IL1RAPL2: variants seen among roughly 807,000 people sequenced by gnomAD.
IL1RAPL2 encodes the protein X-linked interleukin-1 receptor accessory protein-like 2.
Under a neutral mutation model 44.1 loss-of-function variants are expected in IL1RAPL2, and 3 were observed. The ratio of observed to expected loss-of-function variants is 0.07; its 90% CI spans 0.03 to 0.18. The LOEUF is 0.18. Among genes scored for constraint, IL1RAPL2 ranks in the 10% least tolerant of loss-of-function variants. The probability of loss-of-function intolerance (pLI) is 1.00; values close to 1 mark genes in which losing one functional copy is unlikely to be tolerated. For synonymous variants in IL1RAPL2, 181 were observed against 178.8 expected, an observed-to-expected ratio of 1.01 and a Z score of -0.10; for missense variants, 391 against 496.4, an observed-to-expected ratio of 0.79 and a Z score of 2.02.
intron 5 of IL1RAPL2, among the ~76,000 whole-genome samples, chrX:105,422,828 G>A (rs1284543251): frequency 9.0e-6 from 1 of 110,511 alleles, no homozygotes; most frequent in Non-Finnish European, 1.9e-5. Flanking sequence ...CTTCTGTTCT[G>A]ATGTTACAAT....
At chrX:105,017,862 A>G (rs992979209) in intron 2 of IL1RAPL2, among the ~76,000 whole-genome samples, 1 of 111,871 alleles carries the variant, frequency 8.9e-6, no homozygotes, top group African/African-American at 3.2e-5. Context: ...GAAAAAAGTG[A>G]CTAAGAGCAA....
intron 1 of IL1RAPL2, among the ~76,000 whole-genome samples, chrX:104,652,088 A>G (rs1930162850): frequency 1.8e-5 from 2 of 112,233 alleles, no homozygotes; most frequent in African/African-American, 6.5e-5. Flanking sequence ...TGAGGGAGCT[A>G]GGGTATTTAT....
chrX:105,756,570 G>A (rs749715561), intron 10 of IL1RAPL2, among the ~76,000 whole-genome samples: 7 of 111,897 alleles, frequency 6.3e-5, no homozygotes, highest in South Asian at 3.7e-4. Context: ...ATGTGTGCAC[G>A]TTAGTATGCA....
chrX:104,638,267 C>T (rs193130389), intron 1 of IL1RAPL2, among the ~76,000 whole-genome samples: 88 of 110,136 alleles, frequency 8.0e-4, no homozygotes, highest in Non-Finnish European at 6.6e-4. Context: ...GTTGGTTAGT[C>T]CAGCTAGTGG....
At chrX:104,626,262 CTAAAT>C (rs1929502641) in intron 1 of IL1RAPL2, among the ~76,000 whole-genome samples, 1 of 107,328 alleles carries the variant, frequency 9.3e-6, no homozygotes, top group African/African-American at 3.4e-5. Flanking sequence ...TATTTATTGA[CTAAAT>C]TAAGAGATAT....
chrX:104,848,683 T>C (rs1182425821), intron 2 of IL1RAPL2, among the ~76,000 whole-genome samples: 1 of 108,620 alleles, frequency 9.2e-6, no homozygotes, highest in Non-Finnish European at 1.9e-5. Context: ...GTAACCTTAA[T>C]TTTTAGTGAT....
At chrX:104,723,689 GA>G (rs931173761) in intron 2 of IL1RAPL2, among the ~76,000 whole-genome samples, 1 of 108,913 alleles carries the variant, frequency 9.2e-6, no homozygotes, top group African/African-American at 3.3e-5. Context: ...GATTTGGATG[GA>G]AAAAAAAATC....
intron 2 of IL1RAPL2, among the ~76,000 whole-genome samples, chrX:104,789,670 G>A (rs1235077329): frequency 8.9e-6 from 1 of 111,994 alleles, no homozygotes; most frequent in Non-Finnish European, 1.9e-5. Flanking sequence ...CTCATGAATT[G>A]CCATGTGACT....
chrX:105,406,695 A>C (rs2093123365), intron 5 of IL1RAPL2: 1 of 1,170,096 alleles, frequency 8.5e-7, no homozygotes, highest in Non-Finnish European at 1.2e-6. Flanking sequence ...TTAACTGTGC[A>C]AATCTCCAGG....
At chrX:105,393,510 T>G (rs1347261667) in intron 5 of IL1RAPL2, among the ~76,000 whole-genome samples, 1 of 111,256 alleles carries the variant, frequency 9.0e-6, no homozygotes, top group Non-Finnish European at 1.9e-5. Context: ...AAGCCTAACC[T>G]GTGGCCTTTT....
At chrX:104,916,920 C>T (rs1313013395) in intron 2 of IL1RAPL2, among the ~76,000 whole-genome samples, 1 of 111,198 alleles carries the variant, frequency 9.0e-6, no homozygotes, top group Non-Finnish European at 1.9e-5. Context: ...GGATGAAGCC[C>T]ACTTGATCAT....
intron 5 of IL1RAPL2, among the ~76,000 whole-genome samples, chrX:105,373,842 G>C (rs1279069391): frequency 9.0e-6 from 1 of 110,507 alleles, no homozygotes; most frequent in Non-Finnish European, 1.9e-5. Context: ...GGCTGGTCTG[G>C]GCGCAGTGGC....
chrX:104,835,724 T>C (rs942554831), intron 2 of IL1RAPL2, among the ~76,000 whole-genome samples: 3 of 112,394 alleles, frequency 2.7e-5, no homozygotes, highest in Non-Finnish European at 5.6e-5. Flanking sequence ...CTGTTTATTT[T>C]CTTCTCTCCC....
At chrX:105,405,031 T>C (rs1159978192) in intron 5 of IL1RAPL2, among the ~76,000 whole-genome samples, 1 of 111,553 alleles carries the variant, frequency 9.0e-6, no homozygotes, top group African/African-American at 3.3e-5. Flanking sequence ...TATATACATA[T>C]ATATAGAGAG....
At chrX:104,843,862 TA>T (rs1330605076) in intron 2 of IL1RAPL2, among the ~76,000 whole-genome samples, 1 of 110,845 alleles carries the variant, frequency 9.0e-6, no homozygotes, top group Non-Finnish European at 1.9e-5. Context: ...CTTCCAAACA[TA>T]CACAATTCAT....
chrX:105,277,091 G>A (rs553091550), intron 5 of IL1RAPL2, among the ~76,000 whole-genome samples: 44 of 111,976 alleles, frequency 3.9e-4, no homozygotes, highest in African/African-American at 1.2e-3. Flanking sequence ...TGAAGCACCC[G>A]CCTTAAAGCT....
chrX:104,677,776 A>G (rs1303997290), intron 2 of IL1RAPL2, among the ~76,000 whole-genome samples: 2 of 111,681 alleles, frequency 1.8e-5, no homozygotes. Flanking sequence ...CCTCCATGCC[A>G]GTTGTGGGAT....
At chrX:105,052,376 T>C (rs1056651344) in intron 2 of IL1RAPL2, among the ~76,000 whole-genome samples, 1 of 112,123 alleles carries the variant, frequency 8.9e-6, no homozygotes, top group African/African-American at 3.2e-5. Flanking sequence ...CTGGGAAATA[T>C]AGTCTTTATG....
chrX:104,889,998 G>A (rs998723762), intron 2 of IL1RAPL2, among the ~76,000 whole-genome samples: 1 of 110,355 alleles, frequency 9.1e-6, no homozygotes. Context: ...CCCTTCCTGT[G>A]TCCAAGTGTT....
Sources: allele counts gnomAD v4.1 joint callset (sites outside exome capture counted in the v4.1 genomes callset), GRCh38; gene constraint gnomAD v4.1.1; transcripts MANE v1.5; gene names NCBI Gene and HGNC (gene_info 2026-07-23, HGNC 2026-07-21).